The following TTC27 variants were observed in gnomAD, a reference collection of about 807,000 sequenced individuals.
TTC27 encodes tetratricopeptide repeat protein 27.
A neutral mutation model predicts 115.9 loss-of-function variants in TTC27; 79 were observed. That is an observed-to-expected ratio of 0.68 (90% CI 0.57 to 0.82). The LOEUF (loss-of-function observed/expected upper bound fraction) is 0.82, where lower values mean the gene tolerates loss of function less well. Among genes scored for constraint, TTC27 ranks in the 40% least tolerant of loss-of-function variants. TTC27 has a pLI of 0.00. For synonymous variants in TTC27, 401 were observed against 356.0 expected, an observed-to-expected ratio of 1.13 and a Z score of -1.42; for missense variants, 1,054 against 993.1, an observed-to-expected ratio of 1.06 and a Z score of -0.82.
chr2:32,767,431 G>GA (rs1211223051), intron 13 of TTC27, among the ~76,000 whole-genome samples: 2 of 145,654 alleles, frequency 1.4e-5, no homozygotes, highest in East Asian at 4.2e-4. Context: ...GATACTAAGT[G>GA]AATATTTATA....
intron 5 of TTC27, among the ~76,000 whole-genome samples, chr2:32,656,592 G>A (rs1051537056): frequency 1.3e-5 from 2 of 152,102 alleles, no homozygotes; most frequent in East Asian, 1.9e-4. Flanking sequence ...CATCTCCTTG[G>A]TGATCACCAC....
intron 4 of TTC27, among the ~76,000 whole-genome samples, chr2:32,647,011 C>T (rs1478231612): frequency 2.0e-5 from 3 of 146,628 alleles, no homozygotes; most frequent in Non-Finnish European, 4.5e-5. Context: ...AGTCTCTTCT[C>T]TGTTGCCCAA....
intron 8 of TTC27, among the ~76,000 whole-genome samples, chr2:32,674,171 G>A (rs530877392): frequency 1.4e-4 from 21 of 147,074 alleles, no homozygotes; most frequent in African/African-American, 5.0e-4. Flanking sequence ...TTTTTTTTGA[G>A]ACAGAGTCTT....
Position 32,666,688 on chromosome 2 carries a change from C to A in TTC27, c.859C>A (p.Leu287Ile), listed in dbSNP as rs754463191. ...FQENYVAQLI[L>I]DVRREGDVLS... ...GGAAAATTATGTGGCACAACTGATT[C>A]TAGATGTAAGAAGGGAAGGGGATGT... is the stretch of plus-strand genomic sequence containing the variant. The change falls in exon 7 of 20, where the codon CTA becomes ATA. Residue 287 changes from leucine (L) to isoleucine (I), a missense_variant. By Grantham distance (5) the Leu-to-Ile change is conservative. Transcript: ENST00000317907. 12 of 1,613,954 alleles carry A rather than the reference C, an allele frequency of 7.4e-6. No individual in the cohort carries two copies. In the East Asian group the frequency reaches 2.2e-4, roughly 30 times the overall value.
chr2:32,664,687 A>G (rs556411427), intron 6 of TTC27, among the ~76,000 whole-genome samples: 12 of 152,302 alleles, frequency 7.9e-5, no homozygotes, highest in African/African-American at 2.6e-4. Flanking sequence ...TGATCTGTTT[A>G]GCCGTGTTAG....
chr2:32,698,482 C>CTTTT (rs376008254), intron 9 of TTC27, among the ~76,000 whole-genome samples: 8 of 124,714 alleles, frequency 6.4e-5, no homozygotes, highest in African/African-American at 1.1e-4. Flanking sequence ...AACATGTTGT[C>CTTTT]TTTTTTTTTT....
At position 32,628,739 on chromosome 2, in the gene TTC27, CTATTTATT is replaced by C. The variant is rs35823725; in HGVS notation, c.88+392_88+399del. ...GTTGGGTTAAGTAATTTTATTTTAT[CTATTTATT>C]TATTTATTTATTTATTTATTTATTT... On this transcript the variant is annotated intron_variant, in intron 1 of 19. Transcript: ENST00000317907. 9.9e-3 allele frequency among the ~76,000 whole-genome samples: 1,430 copies of C among 145,050 alleles called. 9 individuals are homozygous for C. Among genetic ancestry groups the C allele is most frequent in the South Asian group, 0.016 (75 of 4,576 alleles).
intron 10 of TTC27, among the ~76,000 whole-genome samples, chr2:32,721,210 A>G (rs1009179271): frequency 1.6e-4 from 24 of 152,082 alleles, no homozygotes; most frequent in African/African-American, 5.6e-4. Context: ...GCTTTTCATG[A>G]CTCTTGACCT....
chr2:32,767,458 T>TTTTG (rs1553317314), intron 13 of TTC27, among the ~76,000 whole-genome samples: 1 of 140,848 alleles, frequency 7.1e-6, no homozygotes, highest in East Asian at 2.0e-4. Context: ...TTTTTGTTTT[T>TTTTG]TTTTTTTTTT....
chr2:32,641,742 G>T (rs567468326), intron 4 of TTC27, among the ~76,000 whole-genome samples: 45 of 152,188 alleles, frequency 3.0e-4, no homozygotes, highest in South Asian at 1.5e-3. Flanking sequence ...GCAATGGCGC[G>T]ATCTCGGCTC....
At chr2:32,629,121 C>G (rs999838072) in intron 1 of TTC27, among the ~76,000 whole-genome samples, 1 of 151,124 alleles carries the variant, frequency 6.6e-6, no homozygotes, top group South Asian at 2.1e-4. Context: ...AATGAGGCAG[C>G]AAAGTTGTTT....
At chr2:32,728,421 C>A (rs1035038654) in intron 10 of TTC27, among the ~76,000 whole-genome samples, 1 of 151,864 alleles carries the variant, frequency 6.6e-6, no homozygotes, top group African/African-American at 2.4e-5. Context: ...CATTAGTAGA[C>A]CCAGTTCCTA....
rs1162441687 is a variant in TTC27, at chr2:32,634,300, A to AT, written c.396+307dup. On this transcript the variant is annotated intron_variant, in intron 3 of 19. Transcript: ENST00000317907. ...GTTGTATCACCTCAGTTACATAAAG[A>AT]TTTTTTTTTTTTGAGATGGTATCTC... is the stretch of plus-strand genomic sequence containing the variant. Among the ~76,000 whole-genome samples the AT allele has an allele frequency of 3.1e-3, 459 of 146,778 alleles. 7 individuals are homozygous for AT. Among genetic ancestry groups the AT allele is most frequent in the African/African-American group, 0.01 (419 of 40,170 alleles).
At chr2:32,686,965 C>T (rs1410492436) in intron 9 of TTC27, among the ~76,000 whole-genome samples, 1 of 152,166 alleles carries the variant, frequency 6.6e-6, no homozygotes, top group Non-Finnish European at 1.5e-5. Flanking sequence ...GTGCCTCAGC[C>T]TCCCGAGTAC....
At position 32,664,193 on chromosome 2, in the gene TTC27, A is replaced by G. The variant is rs1191240577; in HGVS notation, c.641-110A>G. The G allele has an allele frequency of 2.0e-5, 19 of 950,162 alleles. No homozygotes were observed. In the Middle Eastern group the frequency reaches 1.1e-3, roughly 53 times the overall value. The allele number at this position is 950,162 out of a possible 1,614,324, so 58.9% of individuals were successfully genotyped here. On this transcript the variant is annotated intron_variant, in intron 5 of 19. Coordinates refer to ENST00000317907, the MANE Select transcript of TTC27 (RefSeq NM_017735.5). ...TCAGGTCTTATGTTTAAAATTATTT[A>G]ACAACAGAGACTATGTACTATATAC... is the stretch of plus-strand genomic sequence containing the variant.
In TTC27 at chr2:32,650,227, G is replaced by C; in HGVS notation, c.634G>C (p.Asp212His). 1 of 1,613,224 alleles carries C rather than the reference G, an allele frequency of 6.2e-7. No homozygotes were observed. Among genetic ancestry groups the C allele is most frequent in the Non-Finnish European group, 8.5e-7 (1 of 1,179,532 alleles). Residue 212 changes from aspartate (D) to histidine (H), a missense_variant, in exon 5 of 20, where the codon GAT becomes CAT. Coordinates refer to ENST00000317907, the MANE Select transcript of TTC27 (RefSeq NM_017735.5). Reference sequence around the variant, plus strand: ...TTTTACTCTTGCCGAAAACTGTATTGATCAAGGTATGTAGCAGATTTTTGT... The same window carrying C: ...TTTTACTCTTGCCGAAAACTGTATTCATCAAGGTATGTAGCAGATTTTTGT... ...LLFTLAENCIDQVMKLQNLFV... is the reference protein window; with the variant it reads ...LLFTLAENCIHQVMKLQNLFV...
intron 2 of TTC27, 145 bp from the exon 3 acceptor site, chr2:32,633,730 AT>A (rs958371639): frequency 0.03 from 23,075 of 772,820 alleles, no homozygotes; most frequent in East Asian, 0.038. Flanking sequence ...AGTTTTAGAA[AT>A]TTTTTTTTTT....
At chr2:32,743,781 T>C (rs1399895810) in intron 12 of TTC27, among the ~76,000 whole-genome samples, 1 of 152,220 alleles carries the variant, frequency 6.6e-6, no homozygotes, top group Non-Finnish European at 1.5e-5. Flanking sequence ...ATGACCTCTC[T>C]ATTCACTAGG....
At chr2:32,631,032 A>G (rs1261027856) in intron 2 of TTC27, among the ~76,000 whole-genome samples, 2 of 152,166 alleles carry the variant, frequency 1.3e-5, no homozygotes, top group Non-Finnish European at 2.9e-5. Context: ...GGCTGGGTGC[A>G]GTGCTTCACG....
Sources: gnomAD v4.1 joint callset for allele counts (sites outside exome capture counted in the v4.1 genomes callset) on GRCh38, gnomAD v4.1.1 for gene constraint, MANE v1.5 for transcripts, NCBI Gene and HGNC (gene_info 2026-07-23, HGNC 2026-07-21) for gene names.